The following RB1 variants were observed in gnomAD, a reference collection of about 807,000 sequenced individuals.
RB1 encodes the protein retinoblastoma-associated protein.
A neutral mutation model predicts 135.4 loss-of-function variants in RB1; 18 were observed. The observed-to-expected ratio is 0.13, with a 90% confidence interval of 0.09 to 0.20. The LOEUF is 0.20. Ranked by LOEUF, RB1 falls within the 10% of genes least tolerant of loss-of-function variation. The pLI, the probability that RB1 is intolerant of heterozygous loss-of-function variation, is 1.00. For synonymous variants in RB1, 365 were observed against 373.2 expected (o/e 0.98, Z 0.25); for missense variants, 868 against 1,110.0 (o/e 0.78, Z 3.10).
At chr13:48,342,926 T>C (rs1952460481) in intron 3 of RB1, among the ~76,000 whole-genome samples, 1 of 152,136 alleles carries the variant, frequency 6.6e-6, no homozygotes, top group Admixed American at 6.5e-5. Context: ...GTTTGTGTCC[T>C]GGAAAAATTT....
At chr13:48,352,740 A>G (rs1381016262) in intron 6 of RB1, among the ~76,000 whole-genome samples, 1 of 152,144 alleles carries the variant, frequency 6.6e-6, no homozygotes, top group Non-Finnish European at 1.5e-5. Flanking sequence ...GATCAGCTGA[A>G]GGAGCTTTTT....
rs2138136242 is a variant in RB1 at position 48,376,933 on chromosome 13, C to A, written c.1231C>A (p.Pro411Thr). 2 of 1,613,540 alleles carry A rather than the reference C, an allele frequency of 1.2e-6. No homozygotes were observed. The highest frequency in any genetic ancestry group is 1.7e-6 in the Non-Finnish European group (2 of 1,179,800). ...ISYFNNCTVNPKESILKRVKD... is the reference protein window; with the variant it reads ...ISYFNNCTVNTKESILKRVKD... ...CCTCCTAAAGAACTGCACAGTGAAT[C>A]CAAAAGAAAGTATACTGAAAAGAGT... Residue 411 changes from proline to threonine, a missense_variant, in exon 13 of 27, where the codon CCA becomes ACA. Coordinates refer to ENST00000267163, the MANE Select transcript of RB1 (RefSeq NM_000321.3).
chr13:48,445,208 T>C (rs985993462), intron 17 of RB1: 1 of 152,190 alleles, frequency 6.6e-6, no homozygotes, highest in African/African-American at 2.4e-5. Context: ...AATACTTTCC[T>C]GAAAGCAACA....
intron 13 of RB1, among the ~76,000 whole-genome samples, chr13:48,377,319 G>C (rs985335437): frequency 1.3e-5 from 2 of 152,078 alleles, no homozygotes; most frequent in Non-Finnish European, 2.9e-5. Context: ...TTAAATTTTT[G>C]ATTTTGCTTT....
Position 48,328,429 on chromosome 13 carries a change from T to G in RB1, c.265-14170T>G, listed in dbSNP as rs530046108. On this transcript the variant is annotated intron_variant, in intron 2 of 26. Transcript: ENST00000267163. ...AAGTTGGAGATCTTTGCAGGCTTTG[T>G]TGGAGGTCTGCAGCTTCTTCTTCAG... 153 of 1,241,622 alleles carry G rather than the reference T, an allele frequency of 1.2e-4. 1 individual carries two copies. In the Middle Eastern group the frequency reaches 2.6e-3, roughly 21 times the overall value. The allele number at this position is 1,241,622 out of a possible 1,614,324, so 76.9% of individuals were successfully genotyped here. A position where few individuals can be genotyped will look rare whatever the true frequency, so the allele number is the denominator to read the frequency against.
At chr13:48,345,225 A>G (rs758368346) in intron 4 of RB1, 26 bp downstream of exon 4, 1 of 1,601,512 alleles carries the variant, frequency 6.2e-7, no homozygotes, top group African/African-American at 1.3e-5. Context: ...TATTAGGTTT[A>G]CACTCTGATT....
At chr13:48,460,684 G>A (rs550243359) in intron 20 of RB1, among the ~76,000 whole-genome samples, 1 of 152,196 alleles carries the variant, frequency 6.6e-6, no homozygotes, top group South Asian at 2.1e-4. Flanking sequence ...CTTTTGGCTG[G>A]GTGCAGTGGC....
intron 17 of RB1, among the ~76,000 whole-genome samples, chr13:48,446,982 A>C (rs1949292327): frequency 6.6e-6 from 1 of 152,208 alleles, no homozygotes; most frequent in African/African-American, 2.4e-5. Context: ...GAAGTATGGA[A>C]ACCAGTTTGT....
intron 17 of RB1, among the ~76,000 whole-genome samples, chr13:48,421,004 T>C (rs1593499028): frequency 1.3e-5 from 2 of 152,148 alleles, no homozygotes; most frequent in Non-Finnish European, 2.9e-5. Flanking sequence ...CGAGCTACCA[T>C]TGACTTCCTT....
At chr13:48,351,766 C>T (rs759565032) in intron 6 of RB1, among the ~76,000 whole-genome samples, 25 of 151,944 alleles carry the variant, frequency 1.6e-4, no homozygotes, top group Admixed American at 2.0e-4. Flanking sequence ...CTCTGCCTCC[C>T]GGGTTTAAGT....
At chr13:48,412,148 A>G (rs1323909952) in intron 17 of RB1, 1 of 1,614,014 alleles carries the variant, frequency 6.2e-7, no homozygotes, top group Admixed American at 1.7e-5. Context: ...ACAGCATCAC[A>G]GAAATCTTAC....
intron 6 of RB1, among the ~76,000 whole-genome samples, chr13:48,351,817 G>A (rs2138097468): frequency 6.6e-6 from 1 of 152,132 alleles, no homozygotes; most frequent in African/African-American, 2.4e-5. Context: ...GGGACTACAG[G>A]TGTGCACCAC....
At chr13:48,338,798 C>G (rs1344292243) in intron 2 of RB1, among the ~76,000 whole-genome samples, 1 of 152,184 alleles carries the variant, frequency 6.6e-6, no homozygotes, top group Non-Finnish European at 1.5e-5. Context: ...TTTTCCCCAT[C>G]TTTGTGGTTT....
Position 48,453,099 on chromosome 13 carries a change from C to T in RB1, c.1802C>T (p.Thr601Ile), listed in dbSNP as rs910909092. 7.4e-6 allele frequency: 12 copies of T among 1,612,536 alleles called. No homozygotes were observed. The highest frequency in any genetic ancestry group is 1.0e-5 in the Non-Finnish European group (12 of 1,179,596). The change falls in exon 18 of 27, where the codon ACT (threonine) becomes ATT (isoleucine). Residue 601 changes from threonine to isoleucine, a missense_variant. This residue lies in a region of RB1 where 641 missense variants were observed against 791.3 expected (regional missense o/e 0.81). Transcript: ENST00000267163. ...AATCTTCCTCTCCAGAATAATCACA[C>T]TGCAGCAGATATGTAAGCAAAATAT... Reference protein sequence around the residue: ...PLNLPLQNNHTAADMYLSPVR... With the variant: ...PLNLPLQNNHIAADMYLSPVR...
intron 6 of RB1, among the ~76,000 whole-genome samples, chr13:48,358,042 C>T (rs914862592): frequency 1.3e-5 from 2 of 152,102 alleles, no homozygotes; most frequent in African/African-American, 4.8e-5. Context: ...TTCCTGCTGG[C>T]TGCACAGACA....
chr13:48,404,377 A>G (rs1310698031), intron 17 of RB1: 3 of 152,148 alleles, frequency 2.0e-5, no homozygotes, highest in Non-Finnish European at 4.4e-5. Flanking sequence ...CCTCAGTTCA[A>G]TATTTATTCA....
At chr13:48,320,555 G>T in intron 2 of RB1, 1 of 470,126 alleles carries the variant, frequency 2.1e-6, no homozygotes. Context: ...GTTGGCAGCG[G>T]GGTGCAGTGG....
At chr13:48,362,035 C>A (rs1389764582) in intron 7 of RB1, among the ~76,000 whole-genome samples, 1 of 150,636 alleles carries the variant, frequency 6.6e-6, no homozygotes, top group African/African-American at 2.4e-5. Flanking sequence ...GCAAACTCTG[C>A]CTCCCGGGTT....
In RB1 at chr13:48,368,501, G is replaced by A. The variant is rs1487795602; in HGVS notation, c.1050-26G>A. Reference sequence around the variant, plus strand: ...CACAAATTGTAAATTTTCAGTATGTGAATGACTTCACTTATTGTTATTTAG... The same window carrying A: ...CACAAATTGTAAATTTTCAGTATGTAAATGACTTCACTTATTGTTATTTAG... On this transcript the variant is annotated intron_variant, in intron 10 of 26. Transcript: ENST00000267163. 10 of 1,611,908 alleles carry A rather than the reference G, an allele frequency of 6.2e-6. No homozygotes were observed. In the Admixed American group the frequency reaches 8.3e-5, roughly 13 times the overall value.
Sources: gnomAD v4.1 joint callset for allele counts (sites outside exome capture counted in the v4.1 genomes callset) on GRCh38, gnomAD v4.1.1 for gene constraint, gnomAD v4.1.1 regional missense constraint, MANE v1.5 for transcripts, NCBI Gene and HGNC (gene_info 2026-07-23, HGNC 2026-07-21) for gene names.